TMC7: variants seen among roughly 807,000 people sequenced by gnomAD.
TMC7 encodes transmembrane channel-like protein 7.
A neutral mutation model predicts 82.9 loss-of-function variants in TMC7; 54 were observed. The ratio of observed to expected loss-of-function variants is 0.65; its 90% CI spans 0.52 to 0.82. The LOEUF (loss-of-function observed/expected upper bound fraction) is 0.82, where lower values mean the gene tolerates loss of function less well. Among genes scored for constraint, TMC7 ranks in the 40% least tolerant of loss-of-function variants. TMC7 has a pLI of 0.00. For missense variants in TMC7, 820 were observed against 901.2 expected (o/e 0.91, Z 1.15); for synonymous variants, 350 against 337.9 (o/e 1.04, Z -0.39).
chr16:19,045,478 C>T (rs758539263), intron 11 of TMC7, 40 bp downstream of exon 11: 10 of 1,307,062 alleles, frequency 7.7e-6, no homozygotes, highest in Non-Finnish European at 1.1e-5. Flanking sequence ...CCCCACCACA[C>T]ACATGCACAC....
chr16:19,021,273 C>G (rs1959961046), intron 3 of TMC7, among the ~76,000 whole-genome samples: 1 of 152,128 alleles, frequency 6.6e-6, no homozygotes, highest in African/African-American at 2.4e-5. Context: ...ACCCATGGAA[C>G]AGGATAGAGT....
At chr16:19,004,702 C>T (rs1275050957) in intron 1 of TMC7, among the ~76,000 whole-genome samples, 1 of 152,138 alleles carries the variant, frequency 6.6e-6, no homozygotes, top group Non-Finnish European at 1.5e-5. Context: ...CTTTTAAATC[C>T]ATGGCCCCCT....
chr16:19,053,185 A>G (rs1041121415), intron 13 of TMC7, among the ~76,000 whole-genome samples: 1 of 152,188 alleles, frequency 6.6e-6, no homozygotes, highest in Admixed American at 6.6e-5. Context: ...GTTACGTAAC[A>G]ACTGTTAACA....
intron 5 of TMC7, among the ~76,000 whole-genome samples, chr16:19,026,539 T>G (rs984141495): frequency 4.6e-5 from 7 of 152,068 alleles, no homozygotes; most frequent in African/African-American, 1.7e-4. Flanking sequence ...ACCCCATTTC[T>G]TTAGATTACA....
chr16:18,984,456 G>A, intron 1 of TMC7: 1 of 1,150,118 alleles, frequency 8.7e-7, no homozygotes, highest in Non-Finnish European at 1.1e-6. Context: ...AAGGATTTGA[G>A]CACCCCCTCC....
chr16:19,058,173 C>T (rs1289153219), intron 14 of TMC7, among the ~76,000 whole-genome samples: 1 of 152,094 alleles, frequency 6.6e-6, no homozygotes, highest in African/African-American at 2.4e-5. Context: ...GGGTGGATCA[C>T]TTGAGGTCAG....
At chr16:19,027,107 G>C (rs1467138310) in intron 5 of TMC7, among the ~76,000 whole-genome samples, 1 of 112,796 alleles carries the variant, frequency 8.9e-6, no homozygotes, top group Non-Finnish European at 1.7e-5. Context: ...GTCTCGCTCT[G>C]TCACCAGGCT....
At chr16:19,024,017 C>A (rs1226009480) in intron 5 of TMC7, among the ~76,000 whole-genome samples, 1 of 152,206 alleles carries the variant, frequency 6.6e-6, no homozygotes, top group Non-Finnish European at 1.5e-5. Context: ...TGAAGATTCT[C>A]TGAAATCCCT....
intron 1 of TMC7, among the ~76,000 whole-genome samples, chr16:19,005,896 T>C (rs1482561004): frequency 6.6e-6 from 1 of 152,088 alleles, no homozygotes; most frequent in African/African-American, 2.4e-5. Flanking sequence ...GCTCGTAGAC[T>C]TGCACATGGT....
rs112021448 is a variant in TMC7, at chr16:18,993,536, C to T, written c.67+9406C>T. Among the ~76,000 whole-genome samples the T allele has an allele frequency of 3.0e-3, 450 of 152,266 alleles. 3 individuals are homozygous for T. Among genetic ancestry groups the T allele is most frequent in the African/African-American group, 0.01 (433 of 41,552 alleles). Reference sequence around the variant, plus strand: ...AAGGAGAAAAACGGGCCATGAGGGACAGAAGTTGAAACGCTAGCTGCTTCT... The same window carrying T: ...AAGGAGAAAAACGGGCCATGAGGGATAGAAGTTGAAACGCTAGCTGCTTCT... On this transcript the variant is annotated intron_variant, in intron 1 of 15. Coordinates refer to ENST00000304381, the MANE Select transcript of TMC7 (RefSeq NM_024847.4).
chr16:19,047,083 C>T lies in TMC7; in HGVS notation c.1574C>T (p.Ser525Phe). The T allele has an allele frequency of 6.2e-7, 1 of 1,611,104 alleles. No homozygotes were observed. The highest frequency in any genetic ancestry group is 8.5e-7 in the Non-Finnish European group (1 of 1,178,944). ...TCCAGGCTCCTGGTGACCTACTGTT[C>T]CTCTTGCAAGCTGATTCAGTGCTGG... ...FPRKLLVTYC[S>F]SCKLIQCWGQ... The change falls in exon 12 of 16, where the codon TCC becomes TTC. Residue 525 changes from serine to phenylalanine, a missense_variant. Around this residue, in one of 2 missense-constraint regions of TMC7, gnomAD observed 650 missense variants for 669.9 expected, o/e 0.97. Coordinates refer to ENST00000304381, the MANE Select transcript of TMC7 (RefSeq NM_024847.4).
intron 1 of TMC7, among the ~76,000 whole-genome samples, chr16:18,987,324 A>AT (rs1319509876): frequency 6.7e-6 from 1 of 150,328 alleles, no homozygotes; most frequent in Non-Finnish European, 1.5e-5. Context: ...TATTATTATT[A>AT]TTTTTTGATG....
At chr16:19,029,904 G>A (rs767978529) in intron 5 of TMC7, among the ~76,000 whole-genome samples, 5 of 151,866 alleles carry the variant, frequency 3.3e-5, no homozygotes, top group Admixed American at 6.6e-5. Context: ...TAGTGAAGAC[G>A]GGGGTTTTGC....
intron 6 of TMC7, among the ~76,000 whole-genome samples, chr16:19,031,795 C>T (rs1184985762): frequency 1.3e-5 from 2 of 152,136 alleles, no homozygotes; most frequent in Admixed American, 6.6e-5. Context: ...TAAAGTTGAC[C>T]AAAGTTCAGC....
intron 5 of TMC7, among the ~76,000 whole-genome samples, chr16:19,028,500 A>G (rs1203916283): frequency 6.6e-6 from 1 of 152,134 alleles, no homozygotes; most frequent in Non-Finnish European, 1.5e-5. Flanking sequence ...TATGAATTTT[A>G]GGATCAGCTT....
chr16:19,038,026 C>T lies in TMC7; in HGVS notation c.1158C>T (p.Phe386=). ...ATGCAATATACGTAGCAACTGTCTT[C>T]TCGCAAGAGCACATGAAAAAGGTAA... ...CFYAIYVATV[F]SQEHMKKEID... is the part of the protein sequence containing the mutation. Residue 386 remains phenylalanine (F), a synonymous_variant, in exon 8 of 16, where the codon TTC becomes TTT. Transcript: ENST00000304381. 6.2e-7 allele frequency: 1 copy of T among 1,613,638 alleles called. No homozygotes were observed. Among genetic ancestry groups the T allele is most frequent in the Non-Finnish European group, 8.5e-7 (1 of 1,179,922 alleles).
intron 6 of TMC7, among the ~76,000 whole-genome samples, chr16:19,030,765 G>A (rs1007402521): frequency 1.3e-5 from 2 of 151,886 alleles, no homozygotes; most frequent in South Asian, 4.2e-4. Flanking sequence ...TTTTAGTAGA[G>A]TTTCACCATG....
chr16:19,037,803 G>T, intron 7 of TMC7, 71 bp from the exon 8 acceptor site: 1 of 1,473,300 alleles, frequency 6.8e-7, no homozygotes, highest in East Asian at 2.3e-5. Context: ...GGGAGAGAAT[G>T]ATGAATCAAT....
At chr16:19,008,792 C>G (rs1392513158) in intron 1 of TMC7, among the ~76,000 whole-genome samples, 1 of 152,028 alleles carries the variant, frequency 6.6e-6, no homozygotes, top group Non-Finnish European at 1.5e-5. Context: ...ATTACTATAC[C>G]CTACACTGTG....
Sources: allele counts gnomAD v4.1 joint callset (sites outside exome capture counted in the v4.1 genomes callset), GRCh38; gene constraint gnomAD v4.1.1; regional missense constraint gnomAD v4.1.1; transcripts MANE v1.5; gene names NCBI Gene and HGNC (gene_info 2026-07-23, HGNC 2026-07-21).